The following IL1RAPL2 variants were observed in gnomAD, a reference collection of about 807,000 sequenced individuals.
The protein encoded by IL1RAPL2 is interleukin 1 receptor accessory protein like 2.
Under a neutral mutation model 44.1 loss-of-function variants are expected in IL1RAPL2, and 3 were observed. That is an observed-to-expected ratio of 0.07 (90% CI 0.03 to 0.18). The LOEUF is 0.18. Among genes scored for constraint, IL1RAPL2 ranks in the 10% least tolerant of loss-of-function variants. The pLI is 1.00. For missense variants in IL1RAPL2, 391 were observed against 496.4 expected (o/e 0.79, Z 2.02); for synonymous variants, 181 against 178.8 (o/e 1.01, Z -0.10).
chrX:105,109,752 A>G (rs953535355), intron 2 of IL1RAPL2, among the ~76,000 whole-genome samples: 4 of 112,519 alleles, frequency 3.6e-5, no homozygotes, highest in African/African-American at 1.3e-4. Flanking sequence ...AATTTTACAT[A>G]TGTGAATTAT....
chrX:104,577,047 C>G lies in IL1RAPL2; in HGVS notation c.-20+9996C>G, dbSNP rs774209664. ...TTTCCATTCAGGCAGTTGTTCTTGC[C>G]TTTGACTTTACTTTCAGACTTGACT... On this transcript the variant is annotated intron_variant, in intron 1 of 10. Coordinates refer to ENST00000372582, the MANE Select transcript of IL1RAPL2 (RefSeq NM_017416.2). 9.3e-4 allele frequency among the ~76,000 whole-genome samples: 104 copies of G among 112,202 alleles called. 1 individual carries two copies. The highest frequency in any genetic ancestry group is 2.6e-4 in the Non-Finnish European group (14 of 53,266).
chrX:105,403,894 T>G lies in IL1RAPL2; in HGVS notation c.698-80419T>G, dbSNP rs765842039. 3.3e-3 allele frequency among the ~76,000 whole-genome samples: 374 copies of G among 111,795 alleles called. 4 individuals carry two copies. Among genetic ancestry groups the G allele is most frequent in the African/African-American group, 0.011 (349 of 30,746 alleles). ...CTCTTATTCTCTTTCTTCCCTCTTTTGTTAACGTAATAATTTATCAACCAG... is the reference window on the plus strand; with the variant it reads ...CTCTTATTCTCTTTCTTCCCTCTTTGGTTAACGTAATAATTTATCAACCAG... On this transcript the variant is annotated intron_variant, in intron 5 of 10. Coordinates refer to ENST00000372582, the MANE Select transcript of IL1RAPL2 (RefSeq NM_017416.2).
chrX:104,871,075 A>C (rs1922749546), intron 2 of IL1RAPL2, among the ~76,000 whole-genome samples: 1 of 111,489 alleles, frequency 9.0e-6, no homozygotes, highest in African/African-American at 3.3e-5. Context: ...CAAATTAAAT[A>C]ACGACTTATA....
intron 2 of IL1RAPL2, among the ~76,000 whole-genome samples, chrX:104,838,483 C>A: frequency 9.0e-6 from 1 of 111,305 alleles, no homozygotes; most frequent in Non-Finnish European, 1.9e-5. Context: ...CTCTTTGTAA[C>A]AATTGTGAAT....
chrX:105,363,248 G>A (rs188272265), intron 5 of IL1RAPL2, among the ~76,000 whole-genome samples: 5 of 91,772 alleles, frequency 5.4e-5, no homozygotes, highest in East Asian at 3.3e-4. Context: ...GTGTATAAAT[G>A]TTATATACAT....
In IL1RAPL2 at chrX:104,617,986, T is replaced by A. The variant is rs758140807; in HGVS notation, c.-19-40909T>A. 3.6e-5 allele frequency among the ~76,000 whole-genome samples: 4 copies of A among 112,166 alleles called. No individual in the cohort carries two copies. In the South Asian group the frequency reaches 1.1e-3, roughly 31 times the overall value. ...GGAGACACTGGCACTTCTAATTTTT[T>A]AATTATTTTCATGCAGGTAGGATTT... On this transcript the variant is annotated intron_variant, in intron 1 of 10. Coordinates refer to ENST00000372582, the MANE Select transcript of IL1RAPL2 (RefSeq NM_017416.2).
intron 2 of IL1RAPL2, among the ~76,000 whole-genome samples, chrX:104,983,426 C>A (rs899586638): frequency 4.5e-5 from 2 of 43,975 alleles, no homozygotes; most frequent in Non-Finnish European, 3.8e-5. Flanking sequence ...ATATTAGATA[C>A]ATAATATATA....
At chrX:105,142,621 C>CT (rs937335747) in intron 2 of IL1RAPL2, among the ~76,000 whole-genome samples, 11 of 106,176 alleles carry the variant, frequency 1.0e-4, no homozygotes, top group African/African-American at 3.7e-4. Flanking sequence ...CTTTCACATT[C>CT]TTTTTTTTCT....
intron 5 of IL1RAPL2, among the ~76,000 whole-genome samples, chrX:105,426,457 A>G (rs998953645): frequency 9.0e-6 from 1 of 111,117 alleles, no homozygotes; most frequent in Non-Finnish European, 1.9e-5. Context: ...AGGCACCTAC[A>G]TGAAAACTTC....
chrX:104,990,103 C>CAATAATA (rs2030634674), intron 2 of IL1RAPL2, among the ~76,000 whole-genome samples: 1 of 111,783 alleles, frequency 8.9e-6, no homozygotes, highest in African/African-American at 3.2e-5. Flanking sequence ...GTTGACAAGG[C>CAATAATA]AATAATAAGC....
At chrX:105,209,762 A>C (rs1359980349) in intron 3 of IL1RAPL2, among the ~76,000 whole-genome samples, 1 of 112,246 alleles carries the variant, frequency 8.9e-6, no homozygotes, top group Non-Finnish European at 1.9e-5. Flanking sequence ...AATCATGAAA[A>C]TGTTAATATC....
intron 6 of IL1RAPL2, among the ~76,000 whole-genome samples, chrX:105,589,160 T>G (rs1342428602): frequency 1.8e-5 from 2 of 112,490 alleles, no homozygotes; most frequent in African/African-American, 6.5e-5. Flanking sequence ...TTTTTTCATA[T>G]ATTTGTTGGC....
chrX:104,883,734 A>G lies in IL1RAPL2; in HGVS notation c.82+224739A>G, dbSNP rs906280837. On this transcript the variant is annotated intron_variant, in intron 2 of 10. Transcript: ENST00000372582. ...CTTCTTTAGGCACCCAGGCTCACCA[A>G]TCAGAAAGACATAATTTTTACCCAA... Among the ~76,000 whole-genome samples the G allele has an allele frequency of 2.7e-5, 3 of 111,147 alleles. 1 individual carries two copies. Among genetic ancestry groups the G allele is most frequent in the South Asian group, 7.7e-4 (2 of 2,609 alleles).
Position 105,034,327 on chromosome X carries a change from GCT to G in IL1RAPL2, c.83-161145_83-161144del, listed in dbSNP as rs2031578461. Among the ~76,000 whole-genome samples, 4 of 111,803 alleles carry G rather than the reference GCT, an allele frequency of 3.6e-5. No individual in the cohort carries two copies. The South Asian group carries it at 1.5e-3, about 42-fold the overall frequency. Reference sequence around the variant, plus strand: ...GCTTTCTAGAGTTTCCAGATTTTCTGCTCTGTTTTTTCCCCATCTTTGTGGTT... The same window carrying G: ...GCTTTCTAGAGTTTCCAGATTTTCTGCTGTTTTTTCCCCATCTTTGTGGTT... On this transcript the variant is annotated intron_variant, in intron 2 of 10. Coordinates refer to ENST00000372582, the MANE Select transcript of IL1RAPL2 (RefSeq NM_017416.2).
chrX:105,442,006 A>G (rs1411854338), intron 5 of IL1RAPL2, among the ~76,000 whole-genome samples: 1 of 111,168 alleles, frequency 9.0e-6, no homozygotes, highest in East Asian at 2.8e-4. Context: ...AGTAATAACT[A>G]CAAAAAGGCT....
At chrX:104,679,832 A>C (rs763421877) in intron 2 of IL1RAPL2, among the ~76,000 whole-genome samples, 1 of 111,872 alleles carries the variant, frequency 8.9e-6, no homozygotes, top group Non-Finnish European at 1.9e-5. Flanking sequence ...TAAAATTAAC[A>C]TGTTGATTTT....
At chrX:105,661,849 A>C (rs2147847796) in intron 6 of IL1RAPL2, among the ~76,000 whole-genome samples, 1 of 112,545 alleles carries the variant, frequency 8.9e-6, no homozygotes, top group Non-Finnish European at 1.9e-5. Context: ...GTATTCCATA[A>C]AATAAATGCA....
At chrX:104,944,367 A>G (rs923161085) in intron 2 of IL1RAPL2, among the ~76,000 whole-genome samples, 3 of 111,831 alleles carry the variant, frequency 2.7e-5, no homozygotes, top group Non-Finnish European at 3.8e-5. Context: ...TATTTCACAG[A>G]GTGTATTTTT....
chrX:105,661,316 C>A (rs2037718346), intron 6 of IL1RAPL2, among the ~76,000 whole-genome samples: 1 of 111,793 alleles, frequency 8.9e-6, no homozygotes, highest in African/African-American at 3.2e-5. Context: ...CAGCCTCATG[C>A]AATAATATCT....
Sources: allele counts gnomAD v4.1 joint callset (sites outside exome capture counted in the v4.1 genomes callset), GRCh38; gene constraint gnomAD v4.1.1; transcripts MANE v1.5; gene names NCBI Gene and HGNC (gene_info 2026-07-23, HGNC 2026-07-21).